Variants in VWA3B observed in about 807,000 individuals in gnomAD.
The protein encoded by VWA3B is von Willebrand factor A domain containing 3B.
VWA3B carries 138 observed loss-of-function variants against 158.3 expected under a neutral mutation model. That is an observed-to-expected ratio of 0.87 (90% CI 0.76 to 1.00). VWA3B has a LOEUF of 1.00. VWA3B is among the 50% of genes least tolerant of loss of function. The probability of loss-of-function intolerance (pLI) is 0.00; values close to 1 mark genes in which losing one functional copy is unlikely to be tolerated. For synonymous variants in VWA3B, 596 were observed against 587.3 expected, an observed-to-expected ratio of 1.01 and a Z score of -0.21; for missense variants, 1,555 against 1,565.1, an observed-to-expected ratio of 0.99 and a Z score of 0.11.
chr2:98,088,681 C>T (rs937429751), intron 1 of VWA3B, among the ~76,000 whole-genome samples: 1 of 152,096 alleles, frequency 6.6e-6, no homozygotes, highest in Non-Finnish European at 1.5e-5. Context: ...TTTATAATAA[C>T]CTCAGCTGAG....
At chr2:98,109,566 C>A (rs529337188) in intron 2 of VWA3B, among the ~76,000 whole-genome samples, 1 of 152,270 alleles carries the variant, frequency 6.6e-6, no homozygotes, top group African/African-American at 2.4e-5. Context: ...AGGAGAAGGA[C>A]TGTCTATTTT....
chr2:98,248,981 A>G (rs1686621701), intron 19 of VWA3B, among the ~76,000 whole-genome samples: 1 of 151,318 alleles, frequency 6.6e-6, no homozygotes, highest in Non-Finnish European at 1.5e-5. Flanking sequence ...ACATTATTGT[A>G]TCATTTTGGA....
Position 98,219,879 on chromosome 2 carries a change from A to G in VWA3B, c.2019+1851A>G, listed in dbSNP as rs561475120. On this transcript the variant is annotated intron_variant, in intron 14 of 27. Coordinates refer to ENST00000477737, the MANE Select transcript of VWA3B (RefSeq NM_144992.5). ...AATAGACTTTTTAAGATATATAAAA[A>G]CGGTCAGGTGCAGTGGCTCACACCT... is the stretch of plus-strand genomic sequence containing the variant. Among the ~76,000 whole-genome samples, 9 of 152,130 alleles carry G rather than the reference A, an allele frequency of 5.9e-5. No homozygotes were observed. The South Asian group carries it at 1.9e-3, about 31-fold the overall frequency.
intron 2 of VWA3B, among the ~76,000 whole-genome samples, chr2:98,101,546 A>AT (rs1329572675): frequency 1.3e-5 from 2 of 152,232 alleles, no homozygotes; most frequent in Non-Finnish European, 2.9e-5. Context: ...CATTAATACC[A>AT]TTTTTTAACC....
intron 8 of VWA3B, among the ~76,000 whole-genome samples, chr2:98,164,358 T>G (rs781560983): frequency 6.6e-6 from 1 of 152,222 alleles, no homozygotes; most frequent in Non-Finnish European, 1.5e-5. Context: ...CACTTGAAAC[T>G]TTGGAGTTTG....
downstream of VWA3B, among the ~76,000 whole-genome samples, chr2:98,317,777 T>G (rs1170942624): frequency 6.6e-6 from 1 of 152,224 alleles, no homozygotes; most frequent in Non-Finnish European, 1.5e-5. Flanking sequence ...CTGACCACCT[T>G]AGGCACATGT....
At chr2:98,254,646 G>T (rs1438263819) in intron 20 of VWA3B, among the ~76,000 whole-genome samples, 1 of 152,178 alleles carries the variant, frequency 6.6e-6, no homozygotes, top group Non-Finnish European at 1.5e-5. Context: ...CAATTTATGT[G>T]CTGTGTACAC....
intron 12 of VWA3B, among the ~76,000 whole-genome samples, chr2:98,205,202 T>A (rs1682914513): frequency 6.6e-6 from 1 of 152,258 alleles, no homozygotes; most frequent in Admixed American, 6.5e-5. Context: ...AAATTCAATT[T>A]CTTTAATAAC....
intron 11 of VWA3B, among the ~76,000 whole-genome samples, chr2:98,193,608 T>G (rs1681777699): frequency 6.6e-6 from 1 of 152,008 alleles, no homozygotes; most frequent in Non-Finnish European, 1.5e-5. Context: ...CTTTTTTTTT[T>G]TTTTTGAGAT....
intron 12 of VWA3B, among the ~76,000 whole-genome samples, chr2:98,197,556 A>G (rs1167635578): frequency 6.6e-6 from 1 of 152,098 alleles, no homozygotes; most frequent in East Asian, 1.9e-4. Context: ...TTACATTTCT[A>G]TATTGGAATT....
At chr2:98,228,135 G>T in intron 14 of VWA3B, 67 bp from the exon 15 acceptor site, 1 of 1,502,160 alleles carries the variant, frequency 6.7e-7, no homozygotes, top group Non-Finnish European at 8.9e-7. Context: ...AAAAAGAAAA[G>T]AAACATGTTT....
intron 12 of VWA3B, among the ~76,000 whole-genome samples, chr2:98,208,597 TAACTTA>T (rs1558676254): frequency 6.6e-6 from 1 of 152,224 alleles, no homozygotes; most frequent in Non-Finnish European, 1.5e-5. Flanking sequence ...TATTGTGATG[TAACTTA>T]TCACAGCCTA....
intron 8 of VWA3B, among the ~76,000 whole-genome samples, chr2:98,163,968 CTGG>C (rs1678861827): frequency 6.6e-6 from 1 of 152,170 alleles, no homozygotes; most frequent in Non-Finnish European, 1.5e-5. Flanking sequence ...TCAGAGGAGC[CTGG>C]CTGAAGGCTG....
chr2:98,151,475 G>T (rs1677630748), intron 7 of VWA3B, among the ~76,000 whole-genome samples: 1 of 152,176 alleles, frequency 6.6e-6, no homozygotes, highest in Non-Finnish European at 1.5e-5. Context: ...CACATTTAAG[G>T]CCCCCACTCA....
chr2:98,098,732 C>A (rs776974917), intron 2 of VWA3B, among the ~76,000 whole-genome samples: 4 of 152,058 alleles, frequency 2.6e-5, no homozygotes, highest in Non-Finnish European at 5.9e-5. Flanking sequence ...TAAGTAAGAA[C>A]TTACTGCTGC....
chr2:98,171,844 A>C (rs1679614000), intron 8 of VWA3B, among the ~76,000 whole-genome samples: 1 of 151,968 alleles, frequency 6.6e-6, no homozygotes, highest in Non-Finnish European at 1.5e-5. Flanking sequence ...TATGAGGGAG[A>C]CTTTGGGTGC....
intron 7 of VWA3B, among the ~76,000 whole-genome samples, chr2:98,151,947 G>T (rs1162322253): frequency 2.0e-5 from 3 of 152,206 alleles, no homozygotes; most frequent in African/African-American, 7.2e-5. Flanking sequence ...TTGGCAGCCT[G>T]TGTCACAAAG....
At chr2:98,252,548 G>A (rs1012357755) in intron 20 of VWA3B, among the ~76,000 whole-genome samples, 2 of 152,048 alleles carry the variant, frequency 1.3e-5, no homozygotes, top group Non-Finnish European at 2.9e-5. Context: ...TGTGACAGTC[G>A]TGAGCCTCAG....
intron 7 of VWA3B, among the ~76,000 whole-genome samples, chr2:98,153,418 C>G (rs546705636): frequency 6.6e-6 from 1 of 152,290 alleles, no homozygotes; most frequent in African/African-American, 2.4e-5. Context: ...CCTTCAGAAA[C>G]TGTGCTTTTT....
Sources: allele counts gnomAD v4.1 joint callset (sites outside exome capture counted in the v4.1 genomes callset), GRCh38; gene constraint gnomAD v4.1.1; transcripts MANE v1.5; gene names NCBI Gene and HGNC (gene_info 2026-07-23, HGNC 2026-07-21).